The following PCSK2 variants were observed in gnomAD, a reference collection of about 807,000 sequenced individuals.
The protein encoded by PCSK2 is proprotein convertase subtilisin/kexin type 2.
A neutral mutation model predicts 69.7 loss-of-function variants in PCSK2; 14 were observed. That is an observed-to-expected ratio of 0.20 (90% CI 0.13 to 0.31). The LOEUF is 0.31. Ranked by LOEUF, PCSK2 falls within the 10% of genes least tolerant of loss-of-function variation. PCSK2 has a pLI of 1.00. For missense variants in PCSK2, 544 were observed against 842.5 expected (o/e 0.65, Z 4.39); for synonymous variants, 307 against 320.7 (o/e 0.96, Z 0.46).
chr20:17,470,546 C>T (rs913007341), intron 11 of PCSK2, among the ~76,000 whole-genome samples: 1 of 152,194 alleles, frequency 6.6e-6, no homozygotes, highest in Non-Finnish European at 1.5e-5. Flanking sequence ...GCACGACATC[C>T]AATTGCAGCA....
chr20:17,405,421 A>T (rs1050547394), intron 5 of PCSK2, among the ~76,000 whole-genome samples: 26 of 152,126 alleles, frequency 1.7e-4, no homozygotes, highest in African/African-American at 6.3e-4. Flanking sequence ...TTCTCTGTGG[A>T]TGTAAAAGCA....
At chr20:17,447,404 A>G (rs1653030782) in intron 8 of PCSK2, among the ~76,000 whole-genome samples, 1 of 152,352 alleles carries the variant, frequency 6.6e-6, no homozygotes, top group South Asian at 2.1e-4. Context: ...ATTCAACTTT[A>G]GTGAAAAAAT....
chr20:17,301,836 C>T (rs574837466), intron 2 of PCSK2, among the ~76,000 whole-genome samples: 9 of 152,130 alleles, frequency 5.9e-5, no homozygotes, highest in South Asian at 2.1e-4. Flanking sequence ...GAGGCTGAGG[C>T]GGGAGAATTG....
intron 11 of PCSK2, among the ~76,000 whole-genome samples, chr20:17,474,226 G>T (rs763542430): frequency 2.6e-5 from 4 of 152,152 alleles, no homozygotes; most frequent in Non-Finnish European, 5.9e-5. Flanking sequence ...ACCCTCAGGG[G>T]CTATGGAAAC....
At chr20:17,277,803 T>A (rs1184216080) in intron 2 of PCSK2, among the ~76,000 whole-genome samples, 3 of 150,734 alleles carry the variant, frequency 2.0e-5, no homozygotes, top group Non-Finnish European at 3.0e-5. Flanking sequence ...TGGGAGAAAA[T>A]TTTTGCAACC....
chr20:17,293,313 T>C (rs1431614074), intron 2 of PCSK2, among the ~76,000 whole-genome samples: 2 of 152,226 alleles, frequency 1.3e-5, no homozygotes, highest in Admixed American at 6.5e-5. Flanking sequence ...TTATAATATA[T>C]TTATATCTCA....
At chr20:17,304,263 T>C (rs1259302964) in intron 2 of PCSK2, among the ~76,000 whole-genome samples, 1 of 152,202 alleles carries the variant, frequency 6.6e-6, no homozygotes, top group African/African-American at 2.4e-5. Flanking sequence ...ATTCACATTA[T>C]GCAGGATCCT....
chr20:17,347,724 T>C lies in PCSK2; in HGVS notation c.283-10603T>C, dbSNP rs555518392. Among the ~76,000 whole-genome samples the C allele has an allele frequency of 3.3e-5, 5 of 150,860 alleles. No individual in the cohort carries two copies. The East Asian group carries it at 9.8e-4, about 29-fold the overall frequency. ...TGCATGTGAGGAGACAGAGGATATG[T>C]GGAACTCTCTGTGCCTTCTTCTCAA... On this transcript the variant is annotated intron_variant, in intron 2 of 11. Transcript: ENST00000262545.
At position 17,453,133 on chromosome 20, in the gene PCSK2, A is replaced by C. The variant is rs896269608; in HGVS notation, c.886-609A>C. Among the ~76,000 whole-genome samples, 4 of 152,204 alleles carry C rather than the reference A, an allele frequency of 2.6e-5. No homozygotes were observed. The highest frequency in any genetic ancestry group is 2.6e-4 in the Admixed American group (4 of 15,278). ...AATAAAAAAGAATATATACATATGC[A>C]CACACACGTAAGATTTTTATATATC... On this transcript the variant is annotated intron_variant, in intron 8 of 11. Coordinates refer to ENST00000262545, the MANE Select transcript of PCSK2 (RefSeq NM_002594.5). This position sits in a 1 kb window ranked among gnomAD's most constrained non-coding sequence, Gnocchi z 4.0.
intron 2 of PCSK2, among the ~76,000 whole-genome samples, chr20:17,288,804 C>T (rs1024107402): frequency 2.6e-5 from 4 of 152,166 alleles, no homozygotes; most frequent in African/African-American, 7.2e-5. Flanking sequence ...TCTCCAGAAT[C>T]GTGAGAAAAT....
intron 1 of PCSK2, among the ~76,000 whole-genome samples, chr20:17,238,110 T>C (rs961809857): frequency 2.0e-5 from 3 of 152,120 alleles, no homozygotes; most frequent in Non-Finnish European, 1.5e-5. Context: ...AAAGTAAACA[T>C]GTCTGCTACA....
chr20:17,302,261 C>T (rs1412207533), intron 2 of PCSK2, among the ~76,000 whole-genome samples: 2 of 152,174 alleles, frequency 1.3e-5, no homozygotes, highest in African/African-American at 2.4e-5. Context: ...ACAACTCCCT[C>T]CACCAACCCA....
rs754142285 is a variant in PCSK2, at chr20:17,482,037, G to A, written c.1884G>A (p.Glu628=). ...ELEEELDEAV[E]RSLKSILNKN Reference sequence around the variant, plus strand: ...AGGAAGAGCTGGACGAAGCCGTGGAGAGAAGCCTGAAAAGCATCCTTAACA... The same window carrying A: ...AGGAAGAGCTGGACGAAGCCGTGGAAAGAAGCCTGAAAAGCATCCTTAACA... Residue 628 remains glutamate, a synonymous_variant, in exon 12 of 12, where the codon GAG becomes GAA. Transcript: ENST00000262545. 3.1e-6 allele frequency: 5 copies of A among 1,603,608 alleles called. No individual in the cohort carries two copies. The highest frequency in any genetic ancestry group is 2.7e-5 in the African/African-American group (2 of 74,522).
intron 1 of PCSK2, among the ~76,000 whole-genome samples, chr20:17,241,596 G>A (rs1209710709): frequency 6.6e-6 from 1 of 152,186 alleles, no homozygotes; most frequent in African/African-American, 2.4e-5. Flanking sequence ...TAGGAAGTCA[G>A]GTTATATGTC....
intron 2 of PCSK2, among the ~76,000 whole-genome samples, chr20:17,307,044 A>G (rs1037403731): frequency 3.3e-5 from 5 of 152,216 alleles, no homozygotes; most frequent in Non-Finnish European, 7.3e-5. Flanking sequence ...CAACCTAGAA[A>G]TAAGAATGTC....
rs542474107 is a variant in PCSK2 at position 17,437,055 on chromosome 20, T to C, written c.885+172T>C. On this transcript the variant is annotated intron_variant, in intron 8 of 11. Transcript: ENST00000262545. ...AGGAGGCTGACTGCAGGGAGGCCTG[T>C]GATGGATAAGGAGAGAGGGCAGAAA... 9.4e-4 allele frequency among the ~76,000 whole-genome samples: 142 copies of C among 151,854 alleles called. 1 individual carries two copies. Among genetic ancestry groups the C allele is most frequent in the Non-Finnish European group, 1.6e-3 (110 of 67,926 alleles).
chr20:17,348,139 A>T (rs995752018), intron 2 of PCSK2, among the ~76,000 whole-genome samples: 2 of 152,168 alleles, frequency 1.3e-5, no homozygotes, highest in Non-Finnish European at 2.9e-5. Context: ...AGAAAGAAAG[A>T]AAGTCTAACA....
rs62201046 is a variant in PCSK2, at chr20:17,414,838, C to T, written c.620+5499C>T. 3.3e-5 allele frequency among the ~76,000 whole-genome samples: 5 copies of T among 152,268 alleles called. No individual in the cohort carries two copies. The South Asian group carries it at 8.3e-4, about 25-fold the overall frequency. ...AGCACATCAAAAAGCTTATCCGCCA[C>T]GATCAAGTCAGCTTCATCCCTGGAA... is the stretch of plus-strand genomic sequence containing the variant. On this transcript the variant is annotated intron_variant, in intron 6 of 11. Transcript: ENST00000262545.
At chr20:17,265,006 G>C (rs1411539247) in intron 2 of PCSK2, among the ~76,000 whole-genome samples, 1 of 152,102 alleles carries the variant, frequency 6.6e-6, no homozygotes, top group Admixed American at 6.5e-5. Context: ...TGGGATTATA[G>C]GTGCGTGACA....
Sources: gnomAD v4.1 joint callset for allele counts (sites outside exome capture counted in the v4.1 genomes callset) on GRCh38, gnomAD v4.1.1 for gene constraint, Gnocchi (gnomAD v3.1) non-coding constraint, MANE v1.5 for transcripts, NCBI Gene and HGNC (gene_info 2026-07-23, HGNC 2026-07-21) for gene names.